Variants in CDC45 observed in about 807,000 individuals in gnomAD.
The protein encoded by CDC45 is cell division control protein 45 homolog.
CDC45 carries 54 observed loss-of-function variants against 77.8 expected under a neutral mutation model. The ratio of observed to expected loss-of-function variants is 0.69; its 90% CI spans 0.56 to 0.87. The LOEUF is 0.87. Ranked by LOEUF, CDC45 falls within the 40% of genes least tolerant of loss-of-function variation. CDC45 has a pLI of 0.00. For missense variants in CDC45, 649 were observed against 721.6 expected (o/e 0.90, Z 1.15); for synonymous variants, 260 against 272.1 (o/e 0.96, Z 0.44).
intron 11 of CDC45, 93 bp from the exon 12 acceptor site, chr22:19,507,673 G>A (rs981945151): frequency 2.0e-5 from 27 of 1,336,402 alleles, no homozygotes; most frequent in Non-Finnish European, 2.5e-5. Context: ...ATGCTGGTGC[G>A]GGGACATCCT....
At chr22:19,499,035 C>A in intron 8 of CDC45, 66 bp from the exon 9 acceptor site, 1 of 1,526,358 alleles carries the variant, frequency 6.6e-7, no homozygotes, top group Non-Finnish European at 9.1e-7. Context: ...CATCTCACTC[C>A]ATCCCCCAGG....
rs943518783 is a variant in CDC45 at position 19,514,764 on chromosome 22, G to A, written c.1233G>A (p.Lys411=). ...LDSLSRSNLD[K]LYHGLELAKK... ...CCTGTTACAGGAGTAACCTGGACAAGCTGTACCATGGCCTGGAACTCGCCA... is the reference window on the plus strand; with the variant it reads ...CCTGTTACAGGAGTAACCTGGACAAACTGTACCATGGCCTGGAACTCGCCA... Residue 411 remains lysine (K), a synonymous_variant, in exon 14 of 19, where the codon AAG becomes AAA. Coordinates refer to ENST00000263201, the MANE Select transcript of CDC45 (RefSeq NM_003504.5). 3.1e-6 allele frequency: 5 copies of A among 1,611,538 alleles called. No homozygotes were observed. In the African/African-American group the frequency reaches 5.3e-5, roughly 17 times the overall value.
At chr22:19,502,466 AAC>A (rs1286182777) in intron 9 of CDC45, among the ~76,000 whole-genome samples, 3 of 152,228 alleles carry the variant, frequency 2.0e-5, no homozygotes, top group East Asian at 1.9e-4. Flanking sequence ...CACAACACAT[AAC>A]ACAACATGTA....
chr22:19,482,961 C>A, intron 4 of CDC45, 134 bp downstream of exon 4: 51 of 633,392 alleles, frequency 8.1e-5, no homozygotes, highest in Non-Finnish European at 1.2e-4. Flanking sequence ...AGAACTTGGT[C>A]TTTGTCATCT....
In CDC45 at chr22:19,518,828, T is replaced by C; in HGVS notation, c.1637-16T>C. On this transcript the variant is annotated splice_polypyrimidine_tract_variant and intron_variant, in intron 17 of 18. Transcript: ENST00000263201. ...ACTCCTCCCTTCTCACGGCTGTTTTTCTTTCATTACTTCAGTAATTGAGCT... is the reference window on the plus strand; with the variant it reads ...ACTCCTCCCTTCTCACGGCTGTTTTCCTTTCATTACTTCAGTAATTGAGCT... The C allele has an allele frequency of 1.2e-6, 2 of 1,612,682 alleles. No individual in the cohort carries two copies. Among genetic ancestry groups the C allele is most frequent in the Non-Finnish European group, 1.7e-6 (2 of 1,178,684 alleles).
intron 9 of CDC45, chr22:19,505,082 T>C: frequency 2.3e-6 from 1 of 444,302 alleles, no homozygotes; most frequent in Non-Finnish European, 4.1e-6. Context: ...CTTGGCTGTA[T>C]GGGCTGTGGC....
At chr22:19,479,916 C>G, upstream of CDC45, 4 of 1,602,836 alleles carry the variant, frequency 2.5e-6, no homozygotes, top group Non-Finnish European at 3.4e-6. Flanking sequence ...TCTTGACCGC[C>G]GCCGGGCTCT....
chr22:19,482,350 GCA>G, intron 3 of CDC45, among the ~76,000 whole-genome samples: 1 of 152,354 alleles, frequency 6.6e-6, no homozygotes. Context: ...GCCTGGAGAG[GCA>G]CGCAGCATAG....
In CDC45 at chr22:19,495,988, A is replaced by G. The variant is rs766934025; in HGVS notation, c.550A>G (p.Ile184Val). 3.7e-6 allele frequency: 6 copies of G among 1,610,604 alleles called. No individual in the cohort carries two copies. Among genetic ancestry groups the G allele is most frequent in the Admixed American group, 1.7e-5 (1 of 59,960 alleles). ...RREWEARRRD[I>V]LFDYEQYEYH... ...CATTTTATGTCATTACAGAAGAGACATCCTCTTTGACTACGAGCAGTATGA... is the reference window on the plus strand; with the variant it reads ...CATTTTATGTCATTACAGAAGAGACGTCCTCTTTGACTACGAGCAGTATGA... The change falls in exon 7 of 19, where the codon ATC becomes GTC. Residue 184 changes from isoleucine (I) to valine (V), a missense_variant. Coordinates refer to ENST00000263201, the MANE Select transcript of CDC45 (RefSeq NM_003504.5).
chr22:19,481,572 A>G (rs1435884880), intron 3 of CDC45, among the ~76,000 whole-genome samples: 2 of 151,112 alleles, frequency 1.3e-5, no homozygotes, highest in Admixed American at 1.3e-4. Context: ...GTAGAGACGG[A>G]GTTTCACCAT....
intron 9 of CDC45, 25 bp from the exon 10 acceptor site, chr22:19,505,337 A>G (rs748484480): frequency 8.1e-6 from 13 of 1,613,838 alleles, no homozygotes; most frequent in Non-Finnish European, 1.0e-5. Context: ...GAACCAGCCG[A>G]GGCTTGTGCT....
intron 5 of CDC45, among the ~76,000 whole-genome samples, chr22:19,493,114 T>C (rs2090178007): frequency 6.6e-6 from 1 of 152,138 alleles, no homozygotes; most frequent in South Asian, 2.1e-4. Flanking sequence ...CTGGGGTGGA[T>C]ATGGATGTTC....
At chr22:19,494,241 T>A (rs1039200508) in intron 5 of CDC45, 86 bp from the exon 6 acceptor site, 2 of 1,220,976 alleles carry the variant, frequency 1.6e-6, no homozygotes, top group East Asian at 5.0e-5. Context: ...CCTACTGACT[T>A]CTGCCAAATT....
In CDC45 at chr22:19,514,869, G is replaced by A. The variant is rs1330508282; in HGVS notation, c.1338G>A (p.Leu446=). Residue 446 remains leucine (L), a synonymous_variant, in exon 14 of 19, where the codon CTG becomes CTA. Coordinates refer to ENST00000263201, the MANE Select transcript of CDC45 (RefSeq NM_003504.5). ...TCGTCATCTCCCAGGGGCCTTTCCT[G>A]TACTGCTCTCTCATGGAGGTCAGGC... ...TNLVISQGPF[L]YCSLMEGTPD... is the part of the protein sequence containing the mutation. The A allele has an allele frequency of 1.9e-6, 3 of 1,614,194 alleles. No individual in the cohort carries two copies. The highest frequency in any genetic ancestry group is 1.3e-5 in the African/African-American group (1 of 75,058).
At chr22:19,507,895 A>G (rs1293117956) in intron 12 of CDC45, 31 bp downstream of exon 12, 6 of 1,413,758 alleles carry the variant, frequency 4.2e-6, no homozygotes, top group Non-Finnish European at 6.0e-6. Flanking sequence ...ATTTATCTTC[A>G]TTACATCCAG....
intron 5 of CDC45, among the ~76,000 whole-genome samples, chr22:19,484,295 C>G (rs764709728): frequency 4.6e-5 from 7 of 152,222 alleles, no homozygotes; most frequent in Non-Finnish European, 8.8e-5. Flanking sequence ...TGTAGAGAAG[C>G]AATAAATAGT....
At chr22:19,516,022 G>A (rs1163065637) in intron 15 of CDC45, among the ~76,000 whole-genome samples, 3 of 152,122 alleles carry the variant, frequency 2.0e-5, no homozygotes, top group Non-Finnish European at 4.4e-5. Context: ...AGCAGAGAAG[G>A]AAACCCTAAA....
chr22:19,498,099 G>T (rs1462392279), intron 8 of CDC45, among the ~76,000 whole-genome samples: 1 of 151,948 alleles, frequency 6.6e-6, no homozygotes. Flanking sequence ...GCTTGAATCC[G>T]GAAGGCAGAG....
chr22:19,484,063 G>A (rs1159347281), intron 5 of CDC45, 58 bp downstream of exon 5: 3 of 1,525,336 alleles, frequency 2.0e-6, no homozygotes, highest in South Asian at 2.5e-5. Context: ...GAGGTCGGAG[G>A]TCATCCTGAA....
Sources: allele counts gnomAD v4.1 joint callset (sites outside exome capture counted in the v4.1 genomes callset), GRCh38; gene constraint gnomAD v4.1.1; transcripts MANE v1.5; gene names NCBI Gene and HGNC (gene_info 2026-07-23, HGNC 2026-07-21).